The following RFX2 variants were observed in gnomAD, a reference collection of about 807,000 sequenced individuals.
RFX2 encodes the protein regulatory factor X2, also known as DNA-binding protein RFX2.
RFX2 carries 20 observed loss-of-function variants against 87.8 expected under a neutral mutation model. The ratio of observed to expected loss-of-function variants is 0.23; its 90% CI spans 0.16 to 0.33. The LOEUF (loss-of-function observed/expected upper bound fraction) is 0.33, where lower values mean the gene tolerates loss of function less well. RFX2 is among the 10% of genes least tolerant of loss of function. RFX2 has a pLI of 1.00. For synonymous variants in RFX2, 397 were observed against 431.3 expected (o/e 0.92, Z 0.98); for missense variants, 767 against 1,012.3 (o/e 0.76, Z 3.29).
chr19:6,008,185 A>C lies in RFX2; in HGVS notation c.1055T>G (p.Leu352Arg). 6.4e-7 allele frequency: 1 copy of C among 1,561,406 alleles called. No homozygotes were observed. ...GCCGTCCTGCAGCAGGAAGCTGCCC[A>C]GGTCGGGCGCTGGGAACTCGGGGAA... ...HVFPEFPAPD[L>R]GSFLLQDGVT... Residue 352 changes from leucine (L) to arginine (R), a missense_variant, in exon 10 of 18, where the codon CTG becomes CGG. Coordinates refer to ENST00000303657, the MANE Select transcript of RFX2 (RefSeq NM_000635.4).
rs756884624 is a variant in RFX2, at chr19:6,004,324, C to G, written c.1403-26G>C. On this transcript the variant is annotated intron_variant, in intron 12 of 17. Coordinates refer to ENST00000303657, the MANE Select transcript of RFX2 (RefSeq NM_000635.4). This position sits in a 1 kb window ranked among gnomAD's most constrained non-coding sequence, Gnocchi z 4.8. ...CTGGGGGATACAGACCATGATATTA[C>G]CAGGGAGAAAGGCAGTGACTGGACC... The G allele has an allele frequency of 6.3e-7, 1 of 1,584,074 alleles. No homozygotes were observed. Among genetic ancestry groups the G allele is most frequent in the South Asian group, 1.1e-5 (1 of 90,420 alleles).
In RFX2 at chr19:6,061,656, A is replaced by G. The variant is rs528431697; in HGVS notation, c.-8-14152T>C. On this transcript the variant is annotated intron_variant, in intron 1 of 17. Transcript: ENST00000303657. The surrounding 1 kb of genome is among the most constrained non-coding windows in gnomAD (Gnocchi z 5.2). ...AAAGACTTTGCAACCTCCATTATTT[A>G]TATAAATAAGAACAAATGCCAAGGG... Among the ~76,000 whole-genome samples the G allele has an allele frequency of 1.3e-5, 2 of 152,300 alleles. No homozygotes were observed. Among genetic ancestry groups the G allele is most frequent in the East Asian group, 3.9e-4 (2 of 5,184 alleles).
intron 5 of RFX2, among the ~76,000 whole-genome samples, chr19:6,028,133 T>C (rs2086913419): frequency 6.6e-6 from 1 of 152,088 alleles, no homozygotes; most frequent in Admixed American, 6.5e-5. Flanking sequence ...TTTAAAAAGA[T>C]GTATTAATTC....
At position 5,994,817 on chromosome 19, in the gene RFX2, A is replaced by C. The variant is rs2086381433; in HGVS notation, c.*18T>G. The C allele has an allele frequency of 2.6e-6, 4 of 1,512,338 alleles. No individual in the cohort carries two copies. The highest frequency in any genetic ancestry group is 3.6e-6 in the Non-Finnish European group (4 of 1,097,636). The allele number at this position is 1,512,338 out of a possible 1,614,324, so 93.7% of individuals were successfully genotyped here. A position where few individuals can be genotyped will look rare whatever the true frequency, so the allele number is the denominator to read the frequency against. ...GGCGGCATCTTTTGGAACCTCGAGG[A>C]GGCGCCGGCCGGGGCTGCTAGATGC... is the stretch of plus-strand genomic sequence containing the variant. On this transcript the variant is annotated 3_prime_UTR_variant, in exon 18 of 18. Coordinates refer to ENST00000303657, the MANE Select transcript of RFX2 (RefSeq NM_000635.4).
At chr19:6,105,000 C>T (rs1208011070) in intron 1 of RFX2, among the ~76,000 whole-genome samples, 1 of 151,836 alleles carries the variant, frequency 6.6e-6, no homozygotes, top group Non-Finnish European at 1.5e-5. Context: ...TGCCTGTAAT[C>T]CCAGCTACTC....
Position 6,002,658 on chromosome 19 carries a change from G to C in RFX2, c.1650+63C>G. 6.3e-7 allele frequency: 1 copy of C among 1,591,418 alleles called. No homozygotes were observed. The highest frequency in any genetic ancestry group is 8.6e-7 in the Non-Finnish European group (1 of 1,164,930). On this transcript the variant is annotated intron_variant, in intron 14 of 17. Transcript: ENST00000303657. The surrounding 1 kb of genome is among the most constrained non-coding windows in gnomAD (Gnocchi z 6.7). ...GTTGTGCCACGGGCTCCACTTGGTG[G>C]GTTTGCTGGTTTTGCTGGAGGGCGG...
chr19:6,108,843 TTGGGGCCCTCGGGGGCC>T (rs2088262060), intron 1 of RFX2, among the ~76,000 whole-genome samples: 1 of 151,944 alleles, frequency 6.6e-6, no homozygotes, highest in South Asian at 2.1e-4. Context: ...GCCCGGGCGC[TTGGGGCCCTCGGGGGCC>T]CTTGAAATAG....
At chr19:6,109,178 A>AG (rs1358817423) in intron 1 of RFX2, 1 of 152,010 alleles carries the variant, frequency 6.6e-6, no homozygotes, top group African/African-American at 2.4e-5. Flanking sequence ...TTGAAAAAAA[A>AG]AAAAAGTTTC....
In RFX2 at chr19:5,998,024, G is replaced by C. The variant is rs1015115787; in HGVS notation, c.1860-811C>G. ...CTAAAGGATCAGTATAAGACCAAAG[G>C]GGGCTAGGCACGGTCGCTCACACCT... On this transcript the variant is annotated intron_variant, in intron 15 of 17. Coordinates refer to ENST00000303657, the MANE Select transcript of RFX2 (RefSeq NM_000635.4). This position sits in a 1 kb window ranked among gnomAD's most constrained non-coding sequence, Gnocchi z 4.2. Among the ~76,000 whole-genome samples, 10 of 152,024 alleles carry C rather than the reference G, an allele frequency of 6.6e-5. No homozygotes were observed. Among genetic ancestry groups the C allele is most frequent in the Admixed American group, 2.0e-4 (3 of 15,258 alleles).
intron 1 of RFX2, among the ~76,000 whole-genome samples, chr19:6,053,015 C>T (rs1224253477): frequency 6.6e-6 from 1 of 151,770 alleles, no homozygotes; most frequent in Non-Finnish European, 1.5e-5. Flanking sequence ...CGTTTTCAAC[C>T]TTAAAAAGCT....
intron 1 of RFX2, among the ~76,000 whole-genome samples, chr19:6,070,703 T>C (rs2087594948): frequency 6.6e-6 from 1 of 152,162 alleles, no homozygotes; most frequent in African/African-American, 2.4e-5. Context: ...TTTTCACTGC[T>C]TTCTTTTTCT....
chr19:6,031,903 T>C (rs997474845), intron 5 of RFX2, among the ~76,000 whole-genome samples: 3 of 152,038 alleles, frequency 2.0e-5, no homozygotes, highest in African/African-American at 7.3e-5. Flanking sequence ...ATTCTGGAGC[T>C]AGAAGTGGCC....
chr19:6,003,438 C>T (rs748281995), intron 13 of RFX2, among the ~76,000 whole-genome samples: 8 of 151,384 alleles, frequency 5.3e-5, no homozygotes, highest in South Asian at 2.1e-4. Context: ...GAAGAGCAGG[C>T]GGGTGCCCTG....
chr19:6,013,118 C>T lies in RFX2; in HGVS notation c.780-13G>A. 6.3e-7 allele frequency: 1 copy of T among 1,584,026 alleles called. No individual in the cohort carries two copies. Among genetic ancestry groups the T allele is most frequent in the African/African-American group, 1.4e-5 (1 of 73,346 alleles). On this transcript the variant is annotated splice_polypyrimidine_tract_variant and intron_variant, in intron 7 of 17. Transcript: ENST00000303657. The surrounding 1 kb of genome is among the most constrained non-coding windows in gnomAD (Gnocchi z 4.1). ...CTTCGAGTTGCCCCTGGAAACCAAA[C>T]ATCCCAGGGTCAGCTCCCTTTGCAG... is the stretch of plus-strand genomic sequence containing the variant.
chr19:6,014,518 C>A (rs521878), intron 7 of RFX2, among the ~76,000 whole-genome samples: 1 of 152,190 alleles, frequency 6.6e-6, no homozygotes, highest in Non-Finnish European at 1.5e-5. Context: ...GGATTACAGG[C>A]GTGAGCAACC....
At position 5,997,030 on chromosome 19, in the gene RFX2, C is replaced by T. The variant is rs369976183; in HGVS notation, c.2013+30G>A. On this transcript the variant is annotated intron_variant, in intron 16 of 17. Coordinates refer to ENST00000303657, the MANE Select transcript of RFX2 (RefSeq NM_000635.4). This position sits in a 1 kb window ranked among gnomAD's most constrained non-coding sequence, Gnocchi z 4.2. Reference sequence around the variant, plus strand: ...CCTCTCCCCACAGGCCCGGCCAAGCCCCGGCCGTCCCACCCAGGAGGGTCC... The same window carrying T: ...CCTCTCCCCACAGGCCCGGCCAAGCTCCGGCCGTCCCACCCAGGAGGGTCC... The T allele has an allele frequency of 2.0e-5, 31 of 1,589,628 alleles. No individual in the cohort carries two copies. The highest frequency in any genetic ancestry group is 2.7e-5 in the African/African-American group (2 of 74,768).
intron 15 of RFX2, among the ~76,000 whole-genome samples, chr19:6,000,051 C>G (rs2086470459): frequency 6.6e-6 from 1 of 151,548 alleles, no homozygotes; most frequent in Admixed American, 6.6e-5. Context: ...ATAGCACGGT[C>G]TTGGCTCATT....
intron 1 of RFX2, among the ~76,000 whole-genome samples, chr19:6,087,875 A>AGGTGC (rs1275227524): frequency 6.6e-6 from 1 of 152,212 alleles, no homozygotes; most frequent in Non-Finnish European, 1.5e-5. Context: ...GATGGGTTAC[A>AGGTGC]GGTGCTGGGT....
At chr19:5,995,810 T>G (rs1039793091) in intron 16 of RFX2, among the ~76,000 whole-genome samples, 167 bp from the exon 17 acceptor site, 5 of 152,000 alleles carry the variant, frequency 3.3e-5, no homozygotes, top group African/African-American at 1.2e-4. Context: ...GGTGTCTGGG[T>G]GGGTCCCTGT....
Sources: allele counts gnomAD v4.1 joint callset (sites outside exome capture counted in the v4.1 genomes callset), GRCh38; gene constraint gnomAD v4.1.1; non-coding constraint Gnocchi (gnomAD v3.1); transcripts MANE v1.5; gene names NCBI Gene and HGNC (gene_info 2026-07-23, HGNC 2026-07-21).